Variants in GEMIN5 observed in about 807,000 individuals in gnomAD.
GEMIN5 encodes gem nuclear organelle associated protein 5.
In GEMIN5, 124 loss-of-function variants were observed where a neutral mutation model predicts 176.9. The observed-to-expected ratio is 0.70, with a 90% confidence interval of 0.61 to 0.81. The LOEUF is 0.81. Among genes scored for constraint, GEMIN5 ranks in the 40% least tolerant of loss-of-function variants. GEMIN5 has a pLI of 0.00. For missense variants in GEMIN5, 1,843 were observed against 1,814.6 expected (o/e 1.02, Z -0.28); for synonymous variants, 673 against 665.2 (o/e 1.01, Z -0.18).
chr5:154,896,881 C>T (rs1763363281), intron 23 of GEMIN5, among the ~76,000 whole-genome samples: 1 of 152,184 alleles, frequency 6.6e-6, no homozygotes, highest in Non-Finnish European at 1.5e-5. Context: ...AGAAAATCTA[C>T]TTTCACTAGA....
chr5:154,902,994 C>T lies in GEMIN5; in HGVS notation c.2728+86G>A. ...CGTAAAACTAACCATTATAATATCACAGGATGACAGCCATCAAAGAGGTGC... is the reference window on the plus strand; with the variant it reads ...CGTAAAACTAACCATTATAATATCATAGGATGACAGCCATCAAAGAGGTGC... On this transcript the variant is annotated intron_variant, in intron 19 of 27. Transcript: ENST00000285873. 3.4e-6 allele frequency: 3 copies of T among 890,536 alleles called. No homozygotes were observed. The East Asian group carries it at 7.3e-5, about 22-fold the overall frequency. 55.2% of individuals were successfully genotyped at this position (890,536 alleles called of 1,614,324 possible). A position where few individuals can be genotyped will look rare whatever the true frequency, so the allele number is the denominator to read the frequency against.
chr5:154,906,394 T>G (rs1426696076), intron 16 of GEMIN5, among the ~76,000 whole-genome samples: 1 of 152,174 alleles, frequency 6.6e-6, no homozygotes, highest in East Asian at 1.9e-4. Context: ...CAAAGCACTT[T>G]TTACATTTCT....
intron 24 of GEMIN5, chr5:154,892,791 T>G: frequency 2.2e-6 from 1 of 454,738 alleles, no homozygotes; most frequent in South Asian, 3.3e-5. Context: ...CACCTTTACA[T>G]TTGCATTTAA....
At chr5:154,914,990 TAAG>T (rs1442335357) in intron 13 of GEMIN5, among the ~76,000 whole-genome samples, 4 of 152,148 alleles carry the variant, frequency 2.6e-5, no homozygotes, top group African/African-American at 9.6e-5. Flanking sequence ...TATTTCAAAA[TAAG>T]AAGGTAAAAA....
chr5:154,904,686 G>T, intron 17 of GEMIN5, 57 bp from the exon 18 acceptor site: 1 of 1,384,146 alleles, frequency 7.2e-7, no homozygotes, highest in Non-Finnish European at 1.0e-6. Flanking sequence ...AACATAAAAC[G>T]GAATGCCTAT....
At chr5:154,917,821 A>G in intron 12 of GEMIN5, 110 bp downstream of exon 12, 1 of 735,076 alleles carries the variant, frequency 1.4e-6, no homozygotes, top group South Asian at 1.5e-5. Flanking sequence ...AAATCAAAAT[A>G]CCAAATACAA....
chr5:154,894,881 C>A (rs190315551), intron 24 of GEMIN5, among the ~76,000 whole-genome samples: 1 of 140,794 alleles, frequency 7.1e-6, no homozygotes, highest in African/African-American at 2.7e-5. Flanking sequence ...TACTCCAGCC[C>A]GGGTGACAGA....
At position 154,905,354 on chromosome 5, in the gene GEMIN5, G is replaced by A. The variant is rs780406027; in HGVS notation, c.2509+9C>T. ...ACAAAATACTGTATTTTAATTACTA[G>A]ATACCAACCTGGCTTCTCTTTTGGT... On this transcript the variant is annotated intron_variant, in intron 17 of 27. Coordinates refer to ENST00000285873, the MANE Select transcript of GEMIN5 (RefSeq NM_015465.5). 1.5e-6 allele frequency: 2 copies of A among 1,377,944 alleles called. No individual in the cohort carries two copies. The highest frequency in any genetic ancestry group is 2.4e-5 in the South Asian group (2 of 81,892). 85.4% of individuals were successfully genotyped at this position (1,377,944 alleles called of 1,614,324 possible). A position where few individuals can be genotyped will look rare whatever the true frequency, so the allele number is the denominator to read the frequency against.
At chr5:154,901,302 T>C (rs1332835383) in intron 21 of GEMIN5, 37 bp downstream of exon 21, 1 of 1,569,680 alleles carries the variant, frequency 6.4e-7, no homozygotes, top group East Asian at 2.2e-5. Flanking sequence ...TTTCACATTA[T>C]GTCCAAGTAT....
intron 5 of GEMIN5, among the ~76,000 whole-genome samples, chr5:154,929,055 C>T (rs1369091058): frequency 6.6e-6 from 1 of 151,754 alleles, no homozygotes; most frequent in African/African-American, 2.4e-5. Flanking sequence ...AACCCTGTCT[C>T]TACTAAAAAT....
chr5:154,930,016 T>C (rs1162630225), intron 5 of GEMIN5, among the ~76,000 whole-genome samples: 1 of 152,256 alleles, frequency 6.6e-6, no homozygotes, highest in African/African-American at 2.4e-5. Context: ...TGTTCAATTA[T>C]TTGGCTTCTG....
intron 3 of GEMIN5, among the ~76,000 whole-genome samples, chr5:154,933,273 T>A (rs77214035): frequency 1.7e-3 from 258 of 152,322 alleles, no homozygotes; most frequent in African/African-American, 5.7e-3. Context: ...AAATAAGATA[T>A]AGATTTTGCA....
At chr5:154,921,303 AAT>A in intron 10 of GEMIN5, 38 bp downstream of exon 10, 1 of 881,132 alleles carries the variant, frequency 1.1e-6, no homozygotes, top group African/African-American at 1.7e-5. Flanking sequence ...CTGAAGGAAG[AAT>A]ACTCTCATAT....
At chr5:154,934,524 C>A (rs1423698466) in intron 3 of GEMIN5, among the ~76,000 whole-genome samples, 1 of 152,140 alleles carries the variant, frequency 6.6e-6, no homozygotes, top group Non-Finnish European at 1.5e-5. Context: ...GTTGGCCGGG[C>A]TGGTCTTGAA....
rs1019809977 is a variant in GEMIN5, at chr5:154,937,983, T to C, written c.151A>G (p.Thr51Ala). 1 of 1,574,292 alleles carries C rather than the reference T, an allele frequency of 6.4e-7. No homozygotes were observed. Reference protein sequence around the residue: ...VGPGAGESPGTPPFRVIGELV... With the variant: ...VGPGAGESPGAPPFRVIGELV... ...GGTGAGTTACCTCGAAACGGGGGTG[T>C]CCCTGGACTCTCGCCTGCGCCCGGG... The change falls in exon 1 of 28, where the codon ACA (threonine) becomes GCA (alanine). Residue 51 changes from threonine (T) to alanine (A), a missense_variant. Transcript: ENST00000285873.
chr5:154,904,459 A>G (rs1056830718), intron 18 of GEMIN5, 48 bp downstream of exon 18: 2 of 1,550,486 alleles, frequency 1.3e-6, no homozygotes, highest in Non-Finnish European at 1.8e-6. Context: ...TCCCTTATAT[A>G]CCAGTCCCGG....
At chr5:154,918,363 C>G (rs1337745735) in intron 11 of GEMIN5, among the ~76,000 whole-genome samples, 2 of 152,168 alleles carry the variant, frequency 1.3e-5, no homozygotes, top group Admixed American at 6.5e-5. Context: ...TGTTTTCTAT[C>G]CCTTCAAAGC....
At chr5:154,898,757 C>T (rs1763408028) in intron 22 of GEMIN5, 107 bp from the exon 23 acceptor site, 8 of 925,042 alleles carry the variant, frequency 8.6e-6, no homozygotes, top group Non-Finnish European at 1.0e-5. Flanking sequence ...ATGTGCCTTC[C>T]TGTGGTCCCA....
intron 15 of GEMIN5, among the ~76,000 whole-genome samples, chr5:154,909,737 G>C (rs1208388918): frequency 1.3e-5 from 2 of 152,248 alleles, no homozygotes; most frequent in South Asian, 2.1e-4. Flanking sequence ...CCAGCACTTT[G>C]GGAGGCTGAG....
Sources: allele counts gnomAD v4.1 joint callset (sites outside exome capture counted in the v4.1 genomes callset), GRCh38; gene constraint gnomAD v4.1.1; transcripts MANE v1.5; gene names NCBI Gene and HGNC (gene_info 2026-07-23, HGNC 2026-07-21).